The following ANTXR2 variants were observed in gnomAD, a reference collection of about 807,000 sequenced individuals.
The protein encoded by ANTXR2 is ANTXR cell adhesion molecule 2.
A neutral mutation model predicts 73.7 loss-of-function variants in ANTXR2; 44 were observed. That is an observed-to-expected ratio of 0.60 (90% CI 0.47 to 0.77). ANTXR2 has a LOEUF of 0.77. ANTXR2 is among the 30% of genes least tolerant of loss of function. The pLI is 0.00. For missense variants in ANTXR2, 604 were observed against 592.5 expected (o/e 1.02, Z -0.20); for synonymous variants, 217 against 205.9 (o/e 1.05, Z -0.46).
chr4:80,021,299 G>T (rs1442604652), intron 10 of ANTXR2, among the ~76,000 whole-genome samples: 1 of 151,882 alleles, frequency 6.6e-6, no homozygotes, highest in Non-Finnish European at 1.5e-5. Flanking sequence ...AAACCTAATT[G>T]CTCATTCTGA....
chr4:80,042,826 A>G (rs1034597670), intron 7 of ANTXR2, among the ~76,000 whole-genome samples: 2 of 152,036 alleles, frequency 1.3e-5, no homozygotes, highest in Non-Finnish European at 2.9e-5. Context: ...TATAAGGCCA[A>G]TTTCTCTGTT....
chr4:79,982,295 T>C (rs1240223119), intron 14 of ANTXR2, among the ~76,000 whole-genome samples: 1 of 152,146 alleles, frequency 6.6e-6, no homozygotes, highest in Admixed American at 6.5e-5. Context: ...AATAGGGAAA[T>C]ATATAGCATA....
intron 14 of ANTXR2, among the ~76,000 whole-genome samples, chr4:79,980,378 A>C (rs1293463092): frequency 6.6e-6 from 1 of 152,218 alleles, no homozygotes; most frequent in Non-Finnish European, 1.5e-5. Flanking sequence ...CATAAATTTT[A>C]ATGTTTTAGT....
At chr4:79,949,344 T>C (rs1486891723) in intron 16 of ANTXR2, among the ~76,000 whole-genome samples, 1 of 152,104 alleles carries the variant, frequency 6.6e-6, no homozygotes, top group African/African-American at 2.4e-5. Context: ...CAAGGATGGC[T>C]AGGATAAAGT....
At chr4:79,928,677 G>T (rs548811247) in intron 16 of ANTXR2, among the ~76,000 whole-genome samples, 1 of 152,108 alleles carries the variant, frequency 6.6e-6, no homozygotes, top group African/African-American at 2.4e-5. Flanking sequence ...TGAAAGATTT[G>T]TGTTTGAATA....
intron 3 of ANTXR2, among the ~76,000 whole-genome samples, chr4:80,061,561 C>T (rs1734259482): frequency 6.6e-6 from 1 of 151,992 alleles, no homozygotes; most frequent in African/African-American, 2.4e-5. Context: ...AATTACACAG[C>T]ATCCTGAAAT....
rs1414053655 is a variant in ANTXR2, at chr4:80,021,867, GAGT to G, written c.867-2894_867-2892del. Among the ~76,000 whole-genome samples the G allele has an allele frequency of 2.0e-5, 3 of 152,098 alleles. No homozygotes were observed. In the East Asian group the frequency reaches 5.8e-4, roughly 29 times the overall value. ...AACAAGAATATCTTCCTCCTTTTGA[GAGT>G]AGTAGTAGCAGCGTGATCAAAATGT... On this transcript the variant is annotated intron_variant, in intron 10 of 16. Coordinates refer to ENST00000403729, the MANE Select transcript of ANTXR2 (RefSeq NM_058172.6).
chr4:79,956,181 T>C (rs532017656), intron 16 of ANTXR2, among the ~76,000 whole-genome samples: 2 of 152,316 alleles, frequency 1.3e-5, no homozygotes, highest in African/African-American at 4.8e-5. Context: ...TAGATGCCTA[T>C]ATAATTAAAT....
intron 16 of ANTXR2, among the ~76,000 whole-genome samples, chr4:79,925,995 T>C (rs557784972): frequency 8.6e-4 from 131 of 152,226 alleles, no homozygotes; most frequent in African/African-American, 2.9e-3. Context: ...CTACCATCAA[T>C]GAGTGTATCC....
At chr4:79,914,801 T>G (rs1185531142) in intron 16 of ANTXR2, among the ~76,000 whole-genome samples, 1 of 152,186 alleles carries the variant, frequency 6.6e-6, no homozygotes, top group Non-Finnish European at 1.5e-5. Context: ...GACTGAAAAC[T>G]TCATTTTCTT....
intron 7 of ANTXR2, among the ~76,000 whole-genome samples, chr4:80,038,188 T>A (rs550726344): frequency 6.6e-6 from 1 of 152,224 alleles, no homozygotes; most frequent in South Asian, 2.1e-4. Flanking sequence ...TCAAAAAACA[T>A]GCATCCGGAA....
At chr4:80,038,130 A>G (rs1423035061) in intron 7 of ANTXR2, among the ~76,000 whole-genome samples, 2 of 152,158 alleles carry the variant, frequency 1.3e-5, no homozygotes, top group African/African-American at 4.8e-5. Flanking sequence ...GCAATTCCTC[A>G]GAATAAAGTA....
At chr4:80,059,302 A>T (rs900255628) in intron 3 of ANTXR2, among the ~76,000 whole-genome samples, 1 of 146,552 alleles carries the variant, frequency 6.8e-6, no homozygotes, top group Non-Finnish European at 1.5e-5. Context: ...AAAGAGAAAG[A>T]GAGGAGGCAC....
intron 7 of ANTXR2, among the ~76,000 whole-genome samples, chr4:80,049,347 T>G (rs754200435): frequency 4.9e-4 from 74 of 151,766 alleles, no homozygotes; most frequent in Non-Finnish European, 1.5e-4. Flanking sequence ...CTAGTTCAAA[T>G]AAAATTTCAT....
intron 3 of ANTXR2, among the ~76,000 whole-genome samples, chr4:80,066,260 G>A (rs1310789537): frequency 6.6e-6 from 1 of 152,156 alleles, no homozygotes; most frequent in Admixed American, 6.5e-5. Flanking sequence ...AAATATGGAA[G>A]ATTTTATGTC....
chr4:79,974,637 T>C (rs4292279), intron 16 of ANTXR2, among the ~76,000 whole-genome samples: 12,684 of 151,904 alleles, frequency 0.084, 642 homozygotes, highest in Middle Eastern at 0.23. Flanking sequence ...TAGGAGATGA[T>C]GCTTTACATA....
chr4:79,987,258 G>A (rs1329912346), intron 12 of ANTXR2, among the ~76,000 whole-genome samples: 1 of 144,014 alleles, frequency 6.9e-6, no homozygotes, highest in African/African-American at 2.6e-5. Flanking sequence ...GCTGGAAAAT[G>A]ACATTGCCAT....
chr4:79,991,198 T>G (rs1486363588), intron 12 of ANTXR2, among the ~76,000 whole-genome samples: 2 of 152,036 alleles, frequency 1.3e-5, no homozygotes, highest in African/African-American at 4.8e-5. Flanking sequence ...TTGCAACCTA[T>G]GCATCCAGTA....
intron 16 of ANTXR2, among the ~76,000 whole-genome samples, chr4:79,912,033 G>T (rs1261803568): frequency 6.6e-6 from 1 of 151,636 alleles, no homozygotes; most frequent in Non-Finnish European, 1.5e-5. Context: ...AGTTCAAAAT[G>T]AACTATAAAT....
Sources: allele counts gnomAD v4.1 joint callset (sites outside exome capture counted in the v4.1 genomes callset), GRCh38; gene constraint gnomAD v4.1.1; transcripts MANE v1.5; gene names NCBI Gene and HGNC (gene_info 2026-07-23, HGNC 2026-07-21).